MCC: variants seen among roughly 807,000 people sequenced by gnomAD.
MCC encodes MCC regulator of Wnt signaling pathway.
MCC carries 90 observed loss-of-function variants against 116.2 expected under a neutral mutation model. That is an observed-to-expected ratio of 0.77 (90% CI 0.65 to 0.92). The LOEUF is 0.92. MCC is among the 40% of genes least tolerant of loss of function. The pLI is 0.00. For missense variants in MCC, 1,516 were observed against 1,312.2 expected (o/e 1.16, Z -2.40); for synonymous variants, 578 against 510.5 (o/e 1.13, Z -1.78).
At chr5:113,346,750 C>G (rs1768143974) in intron 2 of MCC, among the ~76,000 whole-genome samples, 2 of 151,960 alleles carry the variant, frequency 1.3e-5, no homozygotes, top group African/African-American at 4.8e-5. Flanking sequence ...AGATTTAACC[C>G]AAAGAAGACT....
At chr5:113,324,590 T>C (rs2150372411) in intron 3 of MCC, among the ~76,000 whole-genome samples, 1 of 152,266 alleles carries the variant, frequency 6.6e-6, no homozygotes, top group Admixed American at 6.5e-5. Context: ...CCATAAATTC[T>C]GATGTTAGGC....
At position 113,269,148 on chromosome 5, in the gene MCC, G is replaced by T. The variant is rs1765520490; in HGVS notation, c.627+71371C>A. 5.1e-6 allele frequency: 5 copies of T among 984,912 alleles called. No homozygotes were observed. In the South Asian group the frequency reaches 1.4e-4, roughly 28 times the overall value. The allele number at this position is 984,912 out of a possible 1,614,324, so 61.0% of individuals were successfully genotyped here. On this transcript the variant is annotated intron_variant, in intron 3 of 18. Coordinates refer to ENST00000408903, the MANE Select transcript of MCC (RefSeq NM_001085377.2). The stretch of plus-strand genomic sequence containing the variant: ...AGCCTTGCAACCTGGAGGGAGACAA[G>T]GCAGAATAATTCTCTGCTTACCAAA...
At chr5:113,178,187 T>G (rs953234268) in intron 3 of MCC, among the ~76,000 whole-genome samples, 1 of 152,114 alleles carries the variant, frequency 6.6e-6, no homozygotes, top group Non-Finnish European at 1.5e-5. Flanking sequence ...GGAGGAGCAT[T>G]TCTGGAGTCA....
At chr5:113,088,728 G>A (rs1030630869) in intron 8 of MCC, among the ~76,000 whole-genome samples, 1 of 152,120 alleles carries the variant, frequency 6.6e-6, no homozygotes, top group Non-Finnish European at 1.5e-5. Context: ...TTGAGGGAGT[G>A]TGGCTCTGCT....
At chr5:113,129,780 A>G (rs1758316653) in intron 5 of MCC, among the ~76,000 whole-genome samples, 1 of 152,214 alleles carries the variant, frequency 6.6e-6, no homozygotes, top group Non-Finnish European at 1.5e-5. Flanking sequence ...CAAAAACACA[A>G]CAAGATACTA....
intron 15 of MCC, among the ~76,000 whole-genome samples, chr5:113,053,501 G>A (rs1752615755): frequency 8.9e-6 from 1 of 112,874 alleles, no homozygotes. Flanking sequence ...AAGTTGGGCT[G>A]GGACACCCTG....
chr5:113,372,302 A>C (rs1158244819), intron 2 of MCC, among the ~76,000 whole-genome samples: 1 of 152,238 alleles, frequency 6.6e-6, no homozygotes, highest in Non-Finnish European at 1.5e-5. Context: ...AGTGTGAAAC[A>C]CACAGACAAA....
intron 5 of MCC, among the ~76,000 whole-genome samples, chr5:113,134,149 C>T (rs532367635): frequency 6.6e-6 from 1 of 152,264 alleles, no homozygotes; most frequent in Admixed American, 6.5e-5. Context: ...ATTCTTTGCC[C>T]AGACTCAATG....
intron 3 of MCC, among the ~76,000 whole-genome samples, chr5:113,172,213 A>C (rs554249389): frequency 1.3e-4 from 20 of 152,334 alleles, no homozygotes; most frequent in African/African-American, 4.8e-4. Flanking sequence ...GGATCACTTA[A>C]GACAGGATTC....
intron 2 of MCC, among the ~76,000 whole-genome samples, chr5:113,349,133 T>C (rs903411375): frequency 1.5e-4 from 23 of 151,922 alleles, no homozygotes; most frequent in African/African-American, 4.6e-4. Flanking sequence ...TTTAAAGAAC[T>C]AATGCCAATC....
At chr5:113,257,163 T>G (rs560369940) in intron 3 of MCC, among the ~76,000 whole-genome samples, 7 of 152,096 alleles carry the variant, frequency 4.6e-5, no homozygotes, top group Non-Finnish European at 1.0e-4. Flanking sequence ...GGGCTAAGCG[T>G]GTTCATTTTT....
At chr5:113,269,323 G>T in intron 3 of MCC, 1 of 396,278 alleles carries the variant, frequency 2.5e-6, no homozygotes, top group Non-Finnish European at 3.3e-6. Context: ...CTTTTTCAAT[G>T]ATACCTTAAC....
At chr5:113,193,784 T>A (rs934656786) in intron 3 of MCC, among the ~76,000 whole-genome samples, 3 of 152,208 alleles carry the variant, frequency 2.0e-5, no homozygotes, top group African/African-American at 7.2e-5. Context: ...GGGGTCAATT[T>A]GTACACCTAA....
chr5:113,071,310 T>G, intron 11 of MCC, 76 bp from the exon 12 acceptor site: 1 of 1,512,716 alleles, frequency 6.6e-7, no homozygotes, highest in Non-Finnish European at 9.0e-7. Flanking sequence ...TCATTTATAT[T>G]CAGGGCAGAA....
chr5:113,461,336 T>C (rs555095363), intron 1 of MCC, among the ~76,000 whole-genome samples: 3 of 152,348 alleles, frequency 2.0e-5, no homozygotes, highest in Admixed American at 6.5e-5. Flanking sequence ...TATAATTGTA[T>C]GGTCAATAGA....
chr5:113,188,137 C>A (rs890937371), intron 3 of MCC, among the ~76,000 whole-genome samples: 2 of 152,210 alleles, frequency 1.3e-5, no homozygotes, highest in African/African-American at 4.8e-5. Flanking sequence ...TCAGATGGTA[C>A]TGAAACAACG....
At chr5:113,032,962 T>G (rs937500495) in intron 17 of MCC, among the ~76,000 whole-genome samples, 4 of 152,242 alleles carry the variant, frequency 2.6e-5, no homozygotes, top group Admixed American at 6.5e-5. Flanking sequence ...CACCCTTTGT[T>G]TAGCATATTA....
chr5:113,299,210 C>A (rs1351253727), intron 3 of MCC, among the ~76,000 whole-genome samples: 1 of 147,088 alleles, frequency 6.8e-6, no homozygotes, highest in Non-Finnish European at 1.5e-5. Flanking sequence ...ATCGCTTGAA[C>A]CTGGGAGGCG....
intron 3 of MCC, among the ~76,000 whole-genome samples, chr5:113,197,271 T>G (rs1179536354): frequency 6.6e-6 from 1 of 152,142 alleles, no homozygotes; most frequent in African/African-American, 2.4e-5. Flanking sequence ...CCCCCAATTT[T>G]TTTTTAAGCC....
Sources: gnomAD v4.1 joint callset for allele counts (sites outside exome capture counted in the v4.1 genomes callset) on GRCh38, gnomAD v4.1.1 for gene constraint, MANE v1.5 for transcripts, NCBI Gene and HGNC (gene_info 2026-07-23, HGNC 2026-07-21) for gene names.